Variants in ATXN3 observed in about 807,000 individuals in gnomAD.
ATXN3 encodes the protein ataxin 3.
ATXN3 carries 28 observed loss-of-function variants against 58.2 expected under a neutral mutation model. The ratio of observed to expected loss-of-function variants is 0.48; its 90% CI spans 0.36 to 0.66. The LOEUF is 0.66. Ranked by LOEUF, ATXN3 falls within the 30% of genes least tolerant of loss-of-function variation. The pLI is 0.00. For synonymous variants in ATXN3, 113 were observed against 138.5 expected, an observed-to-expected ratio of 0.82 and a Z score of 1.29; for missense variants, 321 against 422.1, an observed-to-expected ratio of 0.76 and a Z score of 2.10.
chr14:92,083,585 G>C, intron 6 of ATXN3: 1 of 411,578 alleles, frequency 2.4e-6, no homozygotes, highest in Non-Finnish European at 4.7e-6. Context: ...TGTTGTCAGA[G>C]TGGGTAACAG....
intron 2 of ATXN3, among the ~76,000 whole-genome samples, chr14:92,047,620 T>C (rs1268336367): frequency 1.3e-5 from 2 of 151,920 alleles, no homozygotes; most frequent in Non-Finnish European, 2.9e-5. Context: ...AGGGTGGCAA[T>C]GAGATGTGGC....
chr14:92,075,288 C>A (rs1223244299), intron 9 of ATXN3, among the ~76,000 whole-genome samples: 1 of 151,008 alleles, frequency 6.6e-6, no homozygotes, highest in African/African-American at 2.4e-5. Context: ...CCTCAGCCTG[C>A]CAAATAGCTA....
At chr14:92,080,912 A>G (rs773478445) in intron 9 of ATXN3, 53 bp downstream of exon 9, 57 of 1,376,530 alleles carry the variant, frequency 4.1e-5, no homozygotes, top group Non-Finnish European at 5.4e-5. Flanking sequence ...AATAGACAAA[A>G]TAGCCAAAGC....
In ATXN3 at chr14:92,059,654, T is replaced by TA. The variant is rs145205040; in HGVS notation, c.*4665dup. 0.28 allele frequency: 42,076 copies of TA among 150,674 alleles called. 6,185 individuals are homozygous for TA. Among genetic ancestry groups the TA allele is most frequent in the African/African-American group, 0.37 (15,204 of 41,040 alleles). The allele number at this position is 150,674 out of a possible 1,614,324, so 9.3% of individuals were successfully genotyped here. A position where few individuals can be genotyped will look rare whatever the true frequency, so the allele number is the denominator to read the frequency against. On this transcript the variant is annotated 3_prime_UTR_variant, in exon 11 of 11. Coordinates refer to ENST00000644486, the MANE Select transcript of ATXN3 (RefSeq NM_004993.6). ...TAACATGGTAAAAGCCCGTCTCTAC[T>TA]AAAAAAAACAAATATTCGCCAGGTG...
chr14:92,046,495 T>G (rs577233454), intron 2 of ATXN3, among the ~76,000 whole-genome samples: 1 of 152,216 alleles, frequency 6.6e-6, no homozygotes, highest in South Asian at 2.1e-4. Flanking sequence ...CTACAGGGCA[T>G]GGTCCTGGCT....
chr14:92,096,269 T>C (rs2065216666), intron 2 of ATXN3, 132 bp from the exon 3 acceptor site: 1 of 1,568,810 alleles, frequency 6.4e-7, no homozygotes, highest in Non-Finnish European at 8.6e-7. Flanking sequence ...CAGTTATAAT[T>C]CACCAGTCAG....
At chr14:92,079,930 G>T (rs1199068921) in intron 9 of ATXN3, among the ~76,000 whole-genome samples, 4 of 151,946 alleles carry the variant, frequency 2.6e-5, no homozygotes, top group African/African-American at 9.7e-5. Flanking sequence ...TAGAGATGAG[G>T]TTTCACCATG....
downstream of ATXN3, among the ~76,000 whole-genome samples, chr14:92,056,850 C>T (rs2057470675): frequency 6.6e-6 from 1 of 152,184 alleles, no homozygotes; most frequent in South Asian, 2.1e-4. Flanking sequence ...CCAAGACCTA[C>T]TAGGCTGCAT....
chr14:92,089,330 CTCTTTT>C lies in ATXN3; in HGVS notation c.388-519_388-514del, dbSNP rs1461037457. On this transcript the variant is annotated intron_variant, in intron 5 of 10. Transcript: ENST00000644486. ...CACTGCACCTGGCCTCTGCTAAATA[CTCTTTT>C]TTTTTTTTTTTTTTTTTTTTTAGAC... Among the ~76,000 whole-genome samples, 156 of 129,586 alleles carry C rather than the reference CTCTTTT, an allele frequency of 1.2e-3. 5 individuals are homozygous for C. Among genetic ancestry groups the C allele is most frequent in the African/African-American group, 2.3e-3 (79 of 34,140 alleles). The allele number at this position is 129,586 out of a possible 152,430, so 85.0% of individuals were successfully genotyped here. A position where few individuals can be genotyped will look rare whatever the true frequency, so the allele number is the denominator to read the frequency against.
chr14:92,106,574 G>T lies in ATXN3; in HGVS notation c.-22C>A, dbSNP rs1325002578. The T allele has an allele frequency of 7.4e-6, 12 of 1,611,884 alleles. No homozygotes were observed. The highest frequency in any genetic ancestry group is 2.2e-5 in the South Asian group (2 of 90,958). Reference sequence around the variant, plus strand: ...CCATGTTTATTTGTCTGGAGCCAACGGCCCCCACGCCGAACCACCCCCTCC... The same window carrying T: ...CCATGTTTATTTGTCTGGAGCCAACTGCCCCCACGCCGAACCACCCCCTCC... On this transcript the variant is annotated 5_prime_UTR_variant, in exon 1 of 11. Coordinates refer to ENST00000644486, the MANE Select transcript of ATXN3 (RefSeq NM_004993.6).
chr14:92,094,088 A>G (rs1246178050), intron 3 of ATXN3, among the ~76,000 whole-genome samples: 1 of 151,800 alleles, frequency 6.6e-6, no homozygotes. Context: ...GATTACAAGC[A>G]CACGCCACCA....
intron 1 of ATXN3, among the ~76,000 whole-genome samples, chr14:92,105,948 C>T (rs1165463270): frequency 3.3e-5 from 5 of 152,208 alleles, no homozygotes; most frequent in Non-Finnish European, 7.3e-5. Context: ...TCCTACTTCA[C>T]TTCCTAAATG....
At chr14:92,050,323 A>G (rs1000480811), upstream of ATXN3, 1 of 152,180 alleles carries the variant, frequency 6.6e-6, no homozygotes, top group Non-Finnish European at 1.5e-5. Flanking sequence ...TTTTATAATA[A>G]AAAGTTAAAA....
rs1157833802 is a variant in ATXN3 at position 92,058,946 on chromosome 14, A to C, written c.*5374T>G. On this transcript the variant is annotated 3_prime_UTR_variant, in exon 11 of 11. Transcript: ENST00000644486. ...TTAAAAATGTATGTTTTCCTCTTTC[A>C]AAAAAAAAAAAAGCATTAAAAAAAT... The C allele has an allele frequency of 8.0e-6, 1 of 124,590 alleles. No individual in the cohort carries two copies. 7.7% of individuals were successfully genotyped at this position (124,590 alleles called of 1,614,324 possible). A position where few individuals can be genotyped will look rare whatever the true frequency, so the allele number is the denominator to read the frequency against.
intron 1 of ATXN3, among the ~76,000 whole-genome samples, chr14:92,105,868 G>C (rs988213281): frequency 2.6e-5 from 4 of 152,194 alleles, no homozygotes; most frequent in African/African-American, 9.7e-5. Context: ...AGTACCAAAA[G>C]AAACCAAACC....
At chr14:92,077,980 T>C (rs1357993077) in intron 9 of ATXN3, among the ~76,000 whole-genome samples, 2 of 147,126 alleles carry the variant, frequency 1.4e-5, no homozygotes, top group East Asian at 2.0e-4. Flanking sequence ...TCTTTTCTCT[T>C]TTTTTTTTTT....
intron 9 of ATXN3, among the ~76,000 whole-genome samples, chr14:92,072,214 T>G (rs1022415054): frequency 1.3e-5 from 2 of 152,218 alleles, no homozygotes; most frequent in Non-Finnish European, 2.9e-5. Flanking sequence ...AGGAATATAT[T>G]CTTGTACTTA....
intron 2 of ATXN3, chr14:92,046,217 G>C (rs566295414): frequency 6.6e-6 from 1 of 152,228 alleles, no homozygotes; most frequent in Non-Finnish European, 1.5e-5. Context: ...GTAGTGGAGG[G>C]GGGCAGAGCG....
At chr14:92,088,057 T>A (rs1210636288) in intron 6 of ATXN3, among the ~76,000 whole-genome samples, 1 of 152,128 alleles carries the variant, frequency 6.6e-6, no homozygotes, top group African/African-American at 2.4e-5. Flanking sequence ...GGGCATGTAT[T>A]TCTTTTTTTT....
Sources: gnomAD v4.1 joint callset for allele counts (sites outside exome capture counted in the v4.1 genomes callset) on GRCh38, gnomAD v4.1.1 for gene constraint, MANE v1.5 for transcripts, NCBI Gene and HGNC (gene_info 2026-07-23, HGNC 2026-07-21) for gene names.